VWC2L: variants seen among roughly 807,000 people sequenced by gnomAD.
VWC2L encodes the protein von Willebrand factor C domain containing 2 like, also known as von Willebrand factor C domain-containing protein 2-like.
A neutral mutation model predicts 21.6 loss-of-function variants in VWC2L; 10 were observed. That is an observed-to-expected ratio of 0.46 (90% confidence interval 0.29 to 0.78). The LOEUF is 0.78. Among genes scored for constraint, VWC2L ranks in the 30% least tolerant of loss-of-function variants. The pLI is 0.10. For synonymous variants in VWC2L, 96 were observed against 94.3 expected, an observed-to-expected ratio of 1.02 and a Z score of -0.10; for missense variants, 209 against 277.1, an observed-to-expected ratio of 0.75 and a Z score of 1.74.
rs561427923 is a variant in VWC2L at position 214,573,262 on chromosome 2, C to A, written c.521-2410C>A. 2.0e-5 allele frequency among the ~76,000 whole-genome samples: 3 copies of A among 152,246 alleles called. No individual in the cohort carries two copies. The East Asian group carries it at 5.8e-4, about 29-fold the overall frequency. ...ACACATACACACACACACACATACACACATACGCACGCTCACACGGTTAAG... is the reference window on the plus strand; with the variant it reads ...ACACATACACACACACACACATACAAACATACGCACGCTCACACGGTTAAG... On this transcript the variant is annotated intron_variant, in intron 3 of 3. Coordinates refer to ENST00000312504, the MANE Select transcript of VWC2L (RefSeq NM_001080500.4).
intron 3 of VWC2L, among the ~76,000 whole-genome samples, chr2:214,553,871 T>A (rs960565264): frequency 6.6e-6 from 1 of 152,112 alleles, no homozygotes; most frequent in Non-Finnish European, 1.5e-5. Context: ...AGCACAAACA[T>A]GATACAAAAA....
chr2:214,427,888 A>G (rs1314985950), intron 2 of VWC2L, among the ~76,000 whole-genome samples: 1 of 152,224 alleles, frequency 6.6e-6, no homozygotes, highest in East Asian at 1.9e-4. Context: ...GTAAATGTTT[A>G]GTACAGAAAA....
intron 3 of VWC2L, among the ~76,000 whole-genome samples, chr2:214,550,088 G>T (rs1261054424): frequency 1.3e-5 from 2 of 152,134 alleles, no homozygotes; most frequent in Non-Finnish European, 2.9e-5. Context: ...GAATCAAGTT[G>T]GCTTGAAACC....
At chr2:214,422,468 T>G (rs550474080) in intron 2 of VWC2L, among the ~76,000 whole-genome samples, 2 of 152,324 alleles carry the variant, frequency 1.3e-5, no homozygotes, top group South Asian at 4.1e-4. Context: ...TCAGGCACTG[T>G]GTTTTATGAA....
intron 3 of VWC2L, among the ~76,000 whole-genome samples, chr2:214,569,352 C>G (rs1030275151): frequency 1.3e-5 from 2 of 152,078 alleles, no homozygotes; most frequent in African/African-American, 4.8e-5. Flanking sequence ...CACACACACA[C>G]CCCTACATAA....
chr2:214,446,864 A>G (rs909345063), intron 3 of VWC2L, among the ~76,000 whole-genome samples: 2 of 152,150 alleles, frequency 1.3e-5, no homozygotes, highest in African/African-American at 4.8e-5. Flanking sequence ...ACACATACAT[A>G]TGGAATTTTT....
chr2:214,418,536 A>G (rs1319247663), intron 2 of VWC2L, among the ~76,000 whole-genome samples: 1 of 152,200 alleles, frequency 6.6e-6, no homozygotes. Context: ...AAATAATATC[A>G]TATGAAACCA....
chr2:214,515,582 C>G (rs1689128928), intron 3 of VWC2L, among the ~76,000 whole-genome samples: 1 of 152,144 alleles, frequency 6.6e-6, no homozygotes, highest in Non-Finnish European at 1.5e-5. Context: ...GAGACGGAGT[C>G]TCGCTCTGTC....
chr2:214,544,551 T>C (rs1240615691), intron 3 of VWC2L, among the ~76,000 whole-genome samples: 3 of 152,098 alleles, frequency 2.0e-5, no homozygotes, highest in Non-Finnish European at 4.4e-5. Flanking sequence ...TACTCCCTGA[T>C]ATAGGATGCC....
intron 3 of VWC2L, among the ~76,000 whole-genome samples, chr2:214,550,588 C>G (rs1689778692): frequency 6.6e-6 from 1 of 152,154 alleles, no homozygotes. Flanking sequence ...CATTCAGAAA[C>G]TAGGAATGAG....
chr2:214,455,031 GTTTTC>G (rs1183580970), intron 3 of VWC2L, among the ~76,000 whole-genome samples: 3 of 152,072 alleles, frequency 2.0e-5, no homozygotes, highest in African/African-American at 4.8e-5. Context: ...GCATATTATA[GTTTTC>G]TTTTCTGTTG....
chr2:214,505,882 G>A (rs771968773), intron 3 of VWC2L, among the ~76,000 whole-genome samples: 2 of 152,098 alleles, frequency 1.3e-5, no homozygotes, highest in East Asian at 1.9e-4. Flanking sequence ...TAGTCCAATC[G>A]TTTTTGGAGA....
At chr2:214,460,232 A>G (rs1703120410) in intron 3 of VWC2L, among the ~76,000 whole-genome samples, 1 of 152,150 alleles carries the variant, frequency 6.6e-6, no homozygotes, top group Admixed American at 6.5e-5. Flanking sequence ...AATTACAGCA[A>G]GCCTTGGAAA....
At chr2:214,516,842 C>T (rs1484571897) in intron 3 of VWC2L, among the ~76,000 whole-genome samples, 2 of 152,150 alleles carry the variant, frequency 1.3e-5, no homozygotes, top group African/African-American at 2.4e-5. Context: ...AAGTTAGAAA[C>T]TTCTCTAAGC....
chr2:214,507,705 A>G (rs188726555), intron 3 of VWC2L, among the ~76,000 whole-genome samples: 37 of 152,308 alleles, frequency 2.4e-4, no homozygotes, highest in Admixed American at 6.5e-4. Context: ...CTTAAACTAT[A>G]ACATCATCTA....
chr2:214,494,160 C>T (rs1465795286), intron 3 of VWC2L, among the ~76,000 whole-genome samples: 3 of 152,090 alleles, frequency 2.0e-5, no homozygotes, highest in Non-Finnish European at 4.4e-5. Flanking sequence ...TAGTCTTATT[C>T]AGCATAACTT....
chr2:214,423,182 T>C (rs1226434901), intron 2 of VWC2L, among the ~76,000 whole-genome samples: 1 of 152,168 alleles, frequency 6.6e-6, no homozygotes, highest in Non-Finnish European at 1.5e-5. Context: ...ATTTCTAGTA[T>C]CTGCATTTAT....
Position 214,442,189 on chromosome 2 carries a change from C to T in VWC2L, c.520+5431C>T, listed in dbSNP as rs184539204. Reference sequence around the variant, plus strand: ...CCTCCCAAAGCGCTGGGATTACAGGCGTGAGCCACTGTGCCCGGACAATAA... The same window carrying T: ...CCTCCCAAAGCGCTGGGATTACAGGTGTGAGCCACTGTGCCCGGACAATAA... On this transcript the variant is annotated intron_variant, in intron 3 of 3. Coordinates refer to ENST00000312504, the MANE Select transcript of VWC2L (RefSeq NM_001080500.4). Among the ~76,000 whole-genome samples, 389 of 152,078 alleles carry T rather than the reference C, an allele frequency of 2.6e-3. 1 individual carries two copies. Among genetic ancestry groups the T allele is most frequent in the African/African-American group, 9.1e-3 (376 of 41,504 alleles).
intron 3 of VWC2L, among the ~76,000 whole-genome samples, chr2:214,544,847 A>C (rs1370379213): frequency 6.6e-6 from 1 of 152,176 alleles, no homozygotes; most frequent in Non-Finnish European, 1.5e-5. Flanking sequence ...CATTTTGCAG[A>C]TGAAGAAAAC....
Sources: allele counts gnomAD v4.1 joint callset (sites outside exome capture counted in the v4.1 genomes callset), GRCh38; gene constraint gnomAD v4.1.1; transcripts MANE v1.5; gene names NCBI Gene and HGNC (gene_info 2026-07-23, HGNC 2026-07-21).